DENND2C: variants seen among roughly 807,000 people sequenced by gnomAD.
The protein encoded by DENND2C is DENN domain containing 2C.
Under a neutral mutation model 112.4 loss-of-function variants are expected in DENND2C, and 72 were observed. The ratio of observed to expected loss-of-function variants is 0.64; its 90% confidence interval spans 0.53 to 0.78. DENND2C has a LOEUF of 0.78. Ranked by LOEUF, DENND2C falls within the 30% of genes least tolerant of loss-of-function variation. The pLI, the probability that DENND2C is intolerant of heterozygous loss-of-function variation, is 0.00. For synonymous variants in DENND2C, 329 were observed against 381.6 expected (o/e 0.86, Z 1.61); for missense variants, 992 against 1,113.8 (o/e 0.89, Z 1.56).
At chr1:114,633,455 A>T (rs1475639152) in intron 3 of DENND2C, among the ~76,000 whole-genome samples, 2 of 150,322 alleles carry the variant, frequency 1.3e-5, no homozygotes, top group East Asian at 3.9e-4. Context: ...AAAAAAAAAA[A>T]AAAAAAAGAA....
rs546158136 is a variant in DENND2C, at chr1:114,623,014, G to A, written c.1029C>T (p.Pro343=). ...WRSPSAWKLP[P]AKSAFKAPKL... is the part of the protein sequence containing the mutation. ...TGGGTGCTTTAAAAGCACTTTTAGC[G>A]GGTGGTAGCTTCCATGCTGAAGGGG... is the stretch of plus-strand genomic sequence containing the variant. The change falls in exon 6 of 21, where the codon CCC becomes CCT. Residue 343 remains proline (P), a synonymous_variant. Transcript: ENST00000393274. 20 of 1,612,940 alleles carry A rather than the reference G, an allele frequency of 1.2e-5. No individual in the cohort carries two copies. Among genetic ancestry groups the A allele is most frequent in the Middle Eastern group, 1.6e-4 (1 of 6,078 alleles).
In DENND2C at chr1:114,625,966, G is replaced by T. The variant is rs373276844; in HGVS notation, c.19C>A (p.Arg7Ser). 1 of 1,608,798 alleles carries T rather than the reference G, an allele frequency of 6.2e-7. No homozygotes were observed. Among genetic ancestry groups the T allele is most frequent in the Non-Finnish European group, 8.5e-7 (1 of 1,177,142 alleles). The change falls in exon 4 of 21, where the codon CGT (arginine) becomes AGT (serine). Residue 7 changes from arginine (R) to serine (S), a missense_variant. By Grantham distance (110) the Arg-to-Ser change is moderately radical. Transcript: ENST00000393274. The stretch of plus-strand genomic sequence containing the variant: ...CTTGACAGTGTCTGAACAGTAGTAC[G>T]AGAAAAACCAACATCCATGTTCCCA... MDVGFS[R>S]TTVQTLSRSH...
At chr1:114,643,518 T>C (rs1205810971) in intron 3 of DENND2C, among the ~76,000 whole-genome samples, 1 of 152,224 alleles carries the variant, frequency 6.6e-6, no homozygotes, top group Non-Finnish European at 1.5e-5. Context: ...TATCATCTTG[T>C]TGACTGTTCC....
At chr1:114,663,243 T>C (rs904298708) in intron 1 of DENND2C, among the ~76,000 whole-genome samples, 4 of 152,204 alleles carry the variant, frequency 2.6e-5, no homozygotes, top group African/African-American at 9.6e-5. Flanking sequence ...AGAATACCCC[T>C]TCAAATTTAT....
chr1:114,658,484 T>C (rs1156267151), intron 1 of DENND2C, among the ~76,000 whole-genome samples: 2 of 152,028 alleles, frequency 1.3e-5, no homozygotes, highest in African/African-American at 4.8e-5. Context: ...TTCTAAAGGA[T>C]GGTGAAGGCA....
chr1:114,608,538 A>C, intron 10 of DENND2C, 148 bp downstream of exon 10: 1 of 815,620 alleles, frequency 1.2e-6, no homozygotes, highest in Non-Finnish European at 1.9e-6. Context: ...CATACCTAAC[A>C]TAAGATGTTT....
At chr1:114,608,897 G>T in intron 9 of DENND2C, 24 bp from the exon 10 acceptor site, 1 of 1,613,094 alleles carries the variant, frequency 6.2e-7, no homozygotes. Flanking sequence ...ATGGAGAAAT[G>T]TTTTTTTCTC....
intron 1 of DENND2C, among the ~76,000 whole-genome samples, chr1:114,656,322 C>T (rs1362070284): frequency 6.6e-6 from 1 of 152,002 alleles, no homozygotes; most frequent in African/African-American, 2.4e-5. Context: ...GATCCTCCTG[C>T]TTCAGGCTCC....
chr1:114,605,935 G>C (rs1655646559), intron 10 of DENND2C, among the ~76,000 whole-genome samples: 1 of 152,112 alleles, frequency 6.6e-6, no homozygotes, highest in Non-Finnish European at 1.5e-5. Context: ...GCATAAATCT[G>C]GTACTGTACT....
chr1:114,585,987 T>A (rs1655027409), intron 20 of DENND2C, among the ~76,000 whole-genome samples: 1 of 152,200 alleles, frequency 6.6e-6, no homozygotes, highest in Non-Finnish European at 1.5e-5. Context: ...TGGGAACCAC[T>A]GATCTAATCT....
chr1:114,669,542 A>C (rs1657732169), intron 1 of DENND2C, among the ~76,000 whole-genome samples: 1 of 152,198 alleles, frequency 6.6e-6, no homozygotes, highest in Admixed American at 6.5e-5. Flanking sequence ...AACACCAAAA[A>C]AAGCAAAATA....
chr1:114,646,277 A>T (rs2101685178), intron 2 of DENND2C, among the ~76,000 whole-genome samples: 1 of 152,306 alleles, frequency 6.6e-6, no homozygotes, highest in African/African-American at 2.4e-5. Flanking sequence ...CACACTGAAC[A>T]TGTTTAAGAT....
chr1:114,626,510 CTTTTT>C (rs11412901), intron 3 of DENND2C, among the ~76,000 whole-genome samples: 1 of 122,870 alleles, frequency 8.1e-6, no homozygotes. Flanking sequence ...TAAATTAATT[CTTTTT>C]TTTTTTTTTT....
intron 3 of DENND2C, among the ~76,000 whole-genome samples, chr1:114,643,247 G>A (rs372747060): frequency 1.2e-4 from 18 of 152,234 alleles, no homozygotes; most frequent in Non-Finnish European, 2.2e-4. Flanking sequence ...CTTGTGTCAG[G>A]GAAAAAAATG....
Position 114,602,136 on chromosome 1 carries a change from T to A in DENND2C, c.1726A>T (p.Lys576Ter). The A allele has an allele frequency of 5.0e-6, 8 of 1,613,886 alleles. No individual in the cohort carries two copies. The South Asian group carries it at 8.8e-5, about 18-fold the overall frequency. ...EDGSRWFGYC[K>*]KLLPVGKGKR... ...AATCTGATACTTACCAAGAGCTTCT[T>A]ACAGTAACCAAACCACCGGCTTCCA... The change falls in exon 12 of 21, where the codon AAG (lysine) becomes TAG (stop). Residue 576 changes from lysine (K) to a stop codon, truncating the protein, a stop_gained. Transcript: ENST00000393274. LOFTEE classifies it high-confidence loss of function.
At position 114,598,176 on chromosome 1, in the gene DENND2C, T is replaced by C. The variant is rs139607882; in HGVS notation, c.2283+1098A>G. ...GTGTATGCACTGAGGGTCATGTATATTTATAGCAACATTATTCATAACAAC... is the reference window on the plus strand; with the variant it reads ...GTGTATGCACTGAGGGTCATGTATACTTATAGCAACATTATTCATAACAAC... On this transcript the variant is annotated intron_variant, in intron 16 of 20. Coordinates refer to ENST00000393274, the MANE Select transcript of DENND2C (RefSeq NM_001256404.2). Among the ~76,000 whole-genome samples the C allele has an allele frequency of 8.7e-3, 1,327 of 152,334 alleles. 8 individuals are homozygous for C. The highest frequency in any genetic ancestry group is 0.015 in the Admixed American group (235 of 15,294).
At position 114,600,877 on chromosome 1, in the gene DENND2C, G is replaced by A. The variant is rs141493549; in HGVS notation, c.1899C>T (p.Phe633=). Residue 633 remains phenylalanine, a synonymous_variant, in exon 14 of 21, where the codon TTC becomes TTT. Coordinates refer to ENST00000393274, the MANE Select transcript of DENND2C (RefSeq NM_001256404.2). ...CTGTGATGGTGCGTCCAGGAGCTGG[G>A]AAAGGAGCTTCCATGACACTTCGCA... is the stretch of plus-strand genomic sequence containing the variant. ...PFMRSVMEAP[F]PAPGRTITVK... 6.2e-7 allele frequency: 1 copy of A among 1,614,086 alleles called. No individual in the cohort carries two copies. Among genetic ancestry groups the A allele is most frequent in the African/African-American group, 1.3e-5 (1 of 75,026 alleles).
At chr1:114,611,778 AACACACACACACAC>A (rs6143386) in intron 8 of DENND2C, among the ~76,000 whole-genome samples, 18 of 148,250 alleles carry the variant, frequency 1.2e-4, no homozygotes, top group East Asian at 2.0e-4. Flanking sequence ...GAGCACAGGC[AACACACACACACAC>A]ACACACACAC....
At chr1:114,644,716 A>C (rs1656931849) in intron 3 of DENND2C, among the ~76,000 whole-genome samples, 1 of 152,178 alleles carries the variant, frequency 6.6e-6, no homozygotes, top group Non-Finnish European at 1.5e-5. Flanking sequence ...TTTCTAGATG[A>C]GGAAACTGAG....
Sources: allele counts gnomAD v4.1 joint callset (sites outside exome capture counted in the v4.1 genomes callset), GRCh38; gene constraint gnomAD v4.1.1; transcripts MANE v1.5; gene names NCBI Gene and HGNC (gene_info 2026-07-23, HGNC 2026-07-21).